MYO1F: variants seen among roughly 807,000 people sequenced by gnomAD.
MYO1F encodes myosin IF.
A neutral mutation model predicts 146.6 loss-of-function variants in MYO1F; 60 were observed. That is an observed-to-expected ratio of 0.41 (90% confidence interval 0.33 to 0.51). The LOEUF (loss-of-function observed/expected upper bound fraction) is 0.51. Ranked by LOEUF, MYO1F falls within the 20% of genes least tolerant of loss-of-function variation. The pLI is 0.25. For missense variants in MYO1F, 1,274 were observed against 1,534.3 expected, an observed-to-expected ratio of 0.83 and a Z score of 2.83; for synonymous variants, 602 against 602.1, an observed-to-expected ratio of 1.00 and a Z score of 0.00.
Position 8,553,203 on chromosome 19 carries a change from G to A in MYO1F, c.440C>T (p.Ser147Phe), listed in dbSNP as rs1973688393. 6.2e-7 allele frequency: 1 copy of A among 1,614,198 alleles called. No individual in the cohort carries two copies. Among genetic ancestry groups the A allele is most frequent in the Non-Finnish European group, 8.5e-7 (1 of 1,180,042 alleles). The stretch of plus-strand genomic sequence containing the variant: ...GCCGAAGGCCTCGAGCAGCGGGTTG[G>A]ACTGCAGGATGATATCTTTGACGTG... Reference protein sequence around the residue: ...VQHVKDIILQSNPLLEAFGNA... With the variant: ...VQHVKDIILQFNPLLEAFGNA... The change falls in exon 6 of 28, where the codon TCC (serine) becomes TTC (phenylalanine). Residue 147 changes from serine (S) to phenylalanine (F), a missense_variant. Ser to Phe is a radical substitution (Grantham distance 155). This residue lies in a region of MYO1F where 900 missense variants were observed against 1,155.1 expected (regional missense o/e 0.78). Transcript: ENST00000644032.
rs780234079 is a variant in MYO1F at position 8,522,408 on chromosome 19, G to A, written c.3189C>T (p.Asn1063=). ...VGQDVDELSF[N]VNEVIEILME... The stretch of plus-strand genomic sequence containing the variant: ...TGAGGATCTCAATGACCTCGTTCAC[G>A]TTGAAGCTCAGCTCGTCCACATCTT... Residue 1063 remains asparagine (N), a synonymous_variant, in exon 27 of 28, where the codon AAC becomes AAT. Transcript: ENST00000644032. 9 of 1,614,068 alleles carry A rather than the reference G, an allele frequency of 5.6e-6. No homozygotes were observed. The highest frequency in any genetic ancestry group is 4.4e-5 in the South Asian group (4 of 91,086).
At chr19:8,575,582 G>A (rs2042225910) in intron 1 of MYO1F, among the ~76,000 whole-genome samples, 1 of 152,072 alleles carries the variant, frequency 6.6e-6, no homozygotes, top group African/African-American at 2.4e-5. Context: ...CCCGATAGCA[G>A]TCCATGACCC....
At chr19:8,558,125 A>AT (rs1361374162) in intron 1 of MYO1F, among the ~76,000 whole-genome samples, 1 of 150,918 alleles carries the variant, frequency 6.6e-6, no homozygotes, top group Admixed American at 6.6e-5. Context: ...TTAGGTTGCC[A>AT]TTTTTTTCAT....
In MYO1F at chr19:8,577,270, T is replaced by C; in HGVS notation, c.3+37A>G. The stretch of plus-strand genomic sequence containing the variant: ...ACCTCCACCTGGCTGGTGTCCCTCC[T>C]CTTTCTTCTTCCAGATCCCACCCTT... On this transcript the variant is annotated intron_variant, in intron 1 of 27. Coordinates refer to ENST00000644032, the MANE Select transcript of MYO1F (RefSeq NM_012335.4). The surrounding 1 kb of genome is among the most constrained non-coding windows in gnomAD (Gnocchi z 4.3). 2 of 1,612,650 alleles carry C rather than the reference T, an allele frequency of 1.2e-6. No individual in the cohort carries two copies. Among genetic ancestry groups the C allele is most frequent in the Non-Finnish European group, 1.7e-6 (2 of 1,179,210 alleles).
chr19:8,546,236 G>A (rs1327537826), intron 12 of MYO1F, among the ~76,000 whole-genome samples: 4 of 151,434 alleles, frequency 2.6e-5, no homozygotes, highest in Non-Finnish European at 5.9e-5. Context: ...GACTAATTTT[G>A]TATTTTTAGT....
chr19:8,554,405 C>T, intron 4 of MYO1F, 72 bp downstream of exon 4: 3 of 1,333,030 alleles, frequency 2.3e-6, no homozygotes, highest in Non-Finnish European at 3.2e-6. Context: ...TCAGGCAAAC[C>T]TCCCTGGGGG....
Position 8,530,985 on chromosome 19 carries a change from A to C in MYO1F, c.2044-412T>G, listed in dbSNP as rs540158235. Reference sequence around the variant, plus strand: ...CTTGAACCCGGGAGGCGGAGGTTGCAGTGAGCTGAGATCGCGCCATTGCAC... The same window carrying C: ...CTTGAACCCGGGAGGCGGAGGTTGCCGTGAGCTGAGATCGCGCCATTGCAC... On this transcript the variant is annotated intron_variant, in intron 19 of 27. Coordinates refer to ENST00000644032, the MANE Select transcript of MYO1F (RefSeq NM_012335.4). This position sits in a 1 kb window ranked among gnomAD's most constrained non-coding sequence, Gnocchi z 5.8. Among the ~76,000 whole-genome samples the C allele has an allele frequency of 6.6e-6, 1 of 150,706 alleles. No homozygotes were observed. The highest frequency in any genetic ancestry group is 2.4e-5 in the African/African-American group (1 of 40,906).
Position 8,536,543 on chromosome 19 carries a change from T to C in MYO1F, c.1854A>G (p.Arg618=), listed in dbSNP as rs574535196. The stretch of plus-strand genomic sequence containing the variant: ...ACTGGCGGCGGTAGGCGAAGCCGGC[T>C]CTGCGCACCCTGATGTTCTCCTTCA... ...LGLKENIRVR[R]AGFAYRRQFA... Residue 618 remains arginine (R), a synonymous_variant, in exon 18 of 28, where the codon AGA becomes AGG. Coordinates refer to ENST00000644032, the MANE Select transcript of MYO1F (RefSeq NM_012335.4). 5.6e-6 allele frequency: 9 copies of C among 1,612,104 alleles called. No individual in the cohort carries two copies. The South Asian group carries it at 7.7e-5, about 14-fold the overall frequency.
intron 12 of MYO1F, among the ~76,000 whole-genome samples, chr19:8,546,130 T>C (rs1486322800): frequency 1.4e-5 from 2 of 146,208 alleles, no homozygotes; most frequent in African/African-American, 2.5e-5. Context: ...AATGGCACGA[T>C]CTTGGCTCAT....
chr19:8,574,121 T>G (rs2042159605), intron 1 of MYO1F, among the ~76,000 whole-genome samples: 1 of 151,846 alleles, frequency 6.6e-6, no homozygotes, highest in African/African-American at 2.4e-5. Context: ...CTCCAGAATT[T>G]CCAGCTGAAA....
chr19:8,561,147 A>G (rs4566305), intron 1 of MYO1F, among the ~76,000 whole-genome samples: 97,006 of 151,744 alleles, frequency 0.64, 31,785 homozygotes, highest in East Asian at 0.87. Context: ...GCCTTCCAAA[A>G]TGCTGGGATT....
chr19:8,566,774 A>AC (rs1310141363), intron 1 of MYO1F, among the ~76,000 whole-genome samples: 6 of 151,746 alleles, frequency 4.0e-5, no homozygotes, highest in African/African-American at 1.4e-4. Context: ...TCAGCCTCCC[A>AC]AAGTGCTGGG....
rs1028019685 is a variant in MYO1F at position 8,530,278 on chromosome 19, C to T, written c.2246G>A (p.Arg749Gln). ...FVGDYLGLEE[R>Q]PELRQFLGKR... ...GCCCAGGAACTGACGCAGCTCGGGC[C>T]GCTCCTCCAGCCCCAGGTAGTCCCC... The change falls in exon 21 of 28, where the codon CGG (arginine) becomes CAG (glutamine). Residue 749 changes from arginine to glutamine, a missense_variant. By Grantham distance (43) the Arg-to-Gln change is conservative. Transcript: ENST00000644032. The surrounding 1 kb of genome is among the most constrained non-coding windows in gnomAD (Gnocchi z 5.8). The T allele has an allele frequency of 1.5e-5, 25 of 1,614,022 alleles. No individual in the cohort carries two copies. The highest frequency in any genetic ancestry group is 2.7e-5 in the African/African-American group (2 of 74,900).
At chr19:8,560,365 A>G (rs1002440524) in intron 1 of MYO1F, among the ~76,000 whole-genome samples, 3 of 151,570 alleles carry the variant, frequency 2.0e-5, no homozygotes, top group African/African-American at 4.8e-5. Flanking sequence ...CGCGCCTGTA[A>G]TCCCAGCTAC....
rs1386052368 is a variant in MYO1F, at chr19:8,554,460, C to T, written c.326+17G>A. 8 of 1,593,522 alleles carry T rather than the reference C, an allele frequency of 5.0e-6. No individual in the cohort carries two copies. Among genetic ancestry groups the T allele is most frequent in the Non-Finnish European group, 6.9e-6 (8 of 1,162,326 alleles). ...GCCCGGGCAGCAGGGTCTGTGGCCCCCCAACTCTGTCCATACCTAATGATG... is the reference window on the plus strand; with the variant it reads ...GCCCGGGCAGCAGGGTCTGTGGCCCTCCAACTCTGTCCATACCTAATGATG... On this transcript the variant is annotated intron_variant, in intron 4 of 27. Transcript: ENST00000644032.
At chr19:8,561,981 C>G (rs533526438) in intron 1 of MYO1F, among the ~76,000 whole-genome samples, 2 of 151,818 alleles carry the variant, frequency 1.3e-5, no homozygotes, top group African/African-American at 4.8e-5. Context: ...TCCCAAAGTG[C>G]TGGGATTACA....
At chr19:8,557,921 G>A (rs1264525699) in intron 1 of MYO1F, among the ~76,000 whole-genome samples, 4 of 151,758 alleles carry the variant, frequency 2.6e-5, no homozygotes, top group African/African-American at 9.7e-5. Context: ...CTCTTCTCTT[G>A]TGGTCACACA....
At chr19:8,556,121 C>T (rs188330846) in intron 1 of MYO1F, among the ~76,000 whole-genome samples, 123 of 151,622 alleles carry the variant, frequency 8.1e-4, no homozygotes, top group African/African-American at 2.8e-3. Context: ...ATCCACCTCC[C>T]GGGTTCAAGC....
At chr19:8,533,393 C>A (rs978103231) in intron 19 of MYO1F, among the ~76,000 whole-genome samples, 15 of 129,252 alleles carry the variant, frequency 1.2e-4, no homozygotes, top group Non-Finnish European at 2.3e-4. Context: ...CTTGCTCTGT[C>A]GCTCAGGCTG....
Sources: gnomAD v4.1 joint callset for allele counts (sites outside exome capture counted in the v4.1 genomes callset) on GRCh38, gnomAD v4.1.1 for gene constraint, gnomAD v4.1.1 regional missense constraint, Gnocchi (gnomAD v3.1) non-coding constraint, MANE v1.5 for transcripts, NCBI Gene and HGNC (gene_info 2026-07-23, HGNC 2026-07-21) for gene names.